The following AKAP12 variants were observed in gnomAD, a reference collection of about 807,000 sequenced individuals.
AKAP12 encodes the protein A-kinase anchor protein 12.
Under a neutral mutation model 79.9 loss-of-function variants are expected in AKAP12, and 32 were observed. That is an observed-to-expected ratio of 0.40 (90% CI 0.30 to 0.54). AKAP12 has a LOEUF of 0.54. Ranked by LOEUF, AKAP12 falls within the 20% of genes least tolerant of loss-of-function variation. The pLI, the probability that AKAP12 is intolerant of heterozygous loss-of-function variation, is 0.48. For missense variants in AKAP12, 2,074 were observed against 2,177.0 expected (o/e 0.95, Z 0.94); for synonymous variants, 808 against 857.0 (o/e 0.94, Z 1.00).
chr6:151,262,395 T>G (rs1797457054), intron 2 of AKAP12, among the ~76,000 whole-genome samples: 1 of 152,246 alleles, frequency 6.6e-6, no homozygotes. Flanking sequence ...TGCGGTGTCA[T>G]GGCCTCAGAT....
chr6:151,348,391 T>A (rs1226245257), intron 3 of AKAP12: 1 of 498,036 alleles, frequency 2.0e-6, no homozygotes, highest in Non-Finnish European at 3.9e-6. Flanking sequence ...GTAATCCCAC[T>A]GCTTTGAGAA....
At chr6:151,282,535 T>C (rs1300140719) in intron 2 of AKAP12, among the ~76,000 whole-genome samples, 3 of 152,222 alleles carry the variant, frequency 2.0e-5, no homozygotes, top group African/African-American at 4.8e-5. Context: ...GAGGCTTGCA[T>C]AGGTTCTGAG....
intron 2 of AKAP12, among the ~76,000 whole-genome samples, chr6:151,261,819 G>A (rs371295269): frequency 3.3e-5 from 5 of 150,246 alleles, no homozygotes; most frequent in East Asian, 4.0e-4. Context: ...GTGCAATGGC[G>A]TGAGCTCGGC....
At chr6:151,278,206 TTTG>T (rs1386271390) in intron 2 of AKAP12, among the ~76,000 whole-genome samples, 1,053 of 60,108 alleles carry the variant, frequency 0.018, 6 homozygotes, top group Non-Finnish European at 0.032. Context: ...TTTTTGGTTT[TTTG>T]TTTGTTTGTT....
chr6:151,309,858 A>G (rs964071283), intron 3 of AKAP12, among the ~76,000 whole-genome samples: 5 of 152,252 alleles, frequency 3.3e-5, no homozygotes, highest in African/African-American at 1.2e-4. Context: ...TAGAAATGCA[A>G]CTGGGCTTCC....
At chr6:151,348,324 C>CA (rs3029381) in intron 3 of AKAP12, 16,779 of 388,410 alleles carry the variant, frequency 0.043, 148 homozygotes, top group African/African-American at 0.12. Context: ...GACTCTGTCT[C>CA]AAAAAAAAAA....
intron 2 of AKAP12, among the ~76,000 whole-genome samples, chr6:151,252,732 GAAAAAAA>G (rs1185564468): frequency 1.9e-4 from 18 of 95,816 alleles, no homozygotes; most frequent in South Asian, 7.2e-4. Context: ...CTGTCTCTGG[GAAAAAAA>G]AAAAAAAAAA....
rs112407615 is a variant in AKAP12, at chr6:151,317,174, C to T, written c.319+11271C>T. On this transcript the variant is annotated intron_variant, in intron 3 of 4. Coordinates refer to ENST00000402676, the MANE Select transcript of AKAP12 (RefSeq NM_005100.4). ...TAGAAGGGAGCTTTGAGGCTCTGAACCAGGAGCCTACCCCTGTGCAGGAGG... is the reference window on the plus strand; with the variant it reads ...TAGAAGGGAGCTTTGAGGCTCTGAATCAGGAGCCTACCCCTGTGCAGGAGG... Among the ~76,000 whole-genome samples, 10 of 152,280 alleles carry T rather than the reference C, an allele frequency of 6.6e-5. 2 individuals are homozygous for T. The highest frequency in any genetic ancestry group is 2.4e-4 in the African/African-American group (10 of 41,568).
chr6:151,343,673 A>C (rs1778006670), intron 3 of AKAP12, among the ~76,000 whole-genome samples: 1 of 152,170 alleles, frequency 6.6e-6, no homozygotes, highest in Admixed American at 6.5e-5. Flanking sequence ...AATCCCAGCT[A>C]CTTGGGAAGC....
In AKAP12 at chr6:151,311,486, C is replaced by T. The variant is rs193045046; in HGVS notation, c.319+5583C>T. Among the ~76,000 whole-genome samples, 298 of 152,286 alleles carry T rather than the reference C, an allele frequency of 2.0e-3. 2 individuals are homozygous for T. Among genetic ancestry groups the T allele is most frequent in the South Asian group, 7.7e-3 (37 of 4,830 alleles). ...GCTCCCGGTGTGTGCACGTGGACCG[C>T]CACTGTGACACCAGCTGTGATCACA... On this transcript the variant is annotated intron_variant, in intron 3 of 4. Transcript: ENST00000402676.
In AKAP12 at chr6:151,304,445, C is replaced by T. The variant is rs377337818; in HGVS notation, c.163-1302C>T. ...TGGAGGTTGCAGTGAACCGAGATCA[C>T]GCCACTGCACTTCAGCCTGGGTGAA... On this transcript the variant is annotated intron_variant, in intron 2 of 4. Coordinates refer to ENST00000402676, the MANE Select transcript of AKAP12 (RefSeq NM_005100.4). Among the ~76,000 whole-genome samples the T allele has an allele frequency of 8.9e-5, 11 of 123,428 alleles. No homozygotes were observed. In the East Asian group the frequency reaches 1.6e-3, roughly 18 times the overall value. 81.0% of individuals were successfully genotyped at this position (123,428 alleles called of 152,430 possible). A position where few individuals can be genotyped will look rare whatever the true frequency, so the allele number is the denominator to read the frequency against.
intron 3 of AKAP12, among the ~76,000 whole-genome samples, chr6:151,316,017 T>C (rs772807647): frequency 2.0e-5 from 3 of 152,182 alleles, no homozygotes; most frequent in African/African-American, 4.8e-5. Context: ...ATGGGGATTA[T>C]GGGAACTACA....
chr6:151,240,768 TGGGGGTGGGGGTGGGGGTG>T, intron 2 of AKAP12, 44 bp downstream of exon 2: 2 of 143,596 alleles, frequency 1.4e-5, no homozygotes, highest in Non-Finnish European at 1.9e-5. Context: ...CGCGGGTCTT[TGGGGGTGGGGGTGGGGGTG>T]GGGGGGTCCC....
chr6:151,262,513 A>G (rs1464024118), intron 2 of AKAP12, among the ~76,000 whole-genome samples: 2 of 152,060 alleles, frequency 1.3e-5, no homozygotes, highest in East Asian at 3.9e-4. Context: ...TTGGCTCTAA[A>G]TTTATCCCAT....
At chr6:151,303,638 G>C (rs879507123) in intron 2 of AKAP12, among the ~76,000 whole-genome samples, 1 of 152,226 alleles carries the variant, frequency 6.6e-6, no homozygotes, top group African/African-American at 2.4e-5. Flanking sequence ...AGGATGGAAT[G>C]ATGTCAGATG....
At chr6:151,245,454 C>A (rs560522715) in intron 2 of AKAP12, among the ~76,000 whole-genome samples, 1 of 152,016 alleles carries the variant, frequency 6.6e-6, no homozygotes, top group South Asian at 2.1e-4. Flanking sequence ...CACCACCACG[C>A]CCAGCTAAGT....
intron 2 of AKAP12, among the ~76,000 whole-genome samples, chr6:151,241,191 G>C (rs1237651445): frequency 6.6e-6 from 1 of 152,208 alleles, no homozygotes; most frequent in Non-Finnish European, 1.5e-5. Context: ...AGCCACCCTC[G>C]GGTTCCCCGT....
rs191802013 is a variant in AKAP12, at chr6:151,273,943, C to G, written c.163-31804C>G. 5.6e-3 allele frequency among the ~76,000 whole-genome samples: 851 copies of G among 152,018 alleles called. 8 individuals are homozygous for G. The highest frequency in any genetic ancestry group is 0.019 in the African/African-American group (803 of 41,502). ...ACTCGGGAAACTGAGGCAGGAGACT[C>G]GCATGAACCCAGGAGGTGGAGGTTG... On this transcript the variant is annotated intron_variant, in intron 2 of 4. Transcript: ENST00000402676.
chr6:151,296,827 GGA>G (rs765876241), intron 2 of AKAP12, among the ~76,000 whole-genome samples: 1 of 152,096 alleles, frequency 6.6e-6, no homozygotes, highest in Non-Finnish European at 1.5e-5. Flanking sequence ...GGGAAGGAAT[GGA>G]GAGACTAAAG....
Sources: allele counts gnomAD v4.1 joint callset (sites outside exome capture counted in the v4.1 genomes callset), GRCh38; gene constraint gnomAD v4.1.1; transcripts MANE v1.5; gene names NCBI Gene and HGNC (gene_info 2026-07-23, HGNC 2026-07-21).